GNAT3: variants seen among roughly 807,000 people sequenced by gnomAD.
GNAT3 encodes the protein G protein subunit alpha transducin 3.
GNAT3 carries 31 observed loss-of-function variants against 37.7 expected under a neutral mutation model. The observed-to-expected ratio is 0.82, with a 90% CI of 0.62 to 1.11. GNAT3 has a LOEUF of 1.11. Among genes scored for constraint, GNAT3 ranks in the 50% most tolerant of loss-of-function variants. GNAT3 has a pLI of 0.00. For missense variants in GNAT3, 437 were observed against 412.5 expected (o/e 1.06, Z -0.51); for synonymous variants, 138 against 139.8 (o/e 0.99, Z 0.09).
chr7:80,505,614 C>A (rs1790922672), intron 1 of GNAT3, among the ~76,000 whole-genome samples: 1 of 152,184 alleles, frequency 6.6e-6, no homozygotes, highest in African/African-American at 2.4e-5. Context: ...GATCTGCCCA[C>A]CTTGGCCTCC....
intron 1 of GNAT3, among the ~76,000 whole-genome samples, chr7:80,506,236 A>G (rs1470445094): frequency 6.6e-6 from 1 of 152,228 alleles, no homozygotes; most frequent in Non-Finnish European, 1.5e-5. Flanking sequence ...GTTAAACTGT[A>G]GTTAGCAAGA....
intron 4 of GNAT3, 39 bp downstream of exon 4, chr7:80,478,802 T>C (rs759340018): frequency 1.3e-6 from 2 of 1,582,890 alleles, no homozygotes; most frequent in Admixed American, 3.5e-5. Flanking sequence ...TAATTTTAAA[T>C]GTTTTACCTC....
chr7:80,471,338 A>T (rs1790215075), intron 5 of GNAT3, among the ~76,000 whole-genome samples: 1 of 151,644 alleles, frequency 6.6e-6, no homozygotes, highest in African/African-American at 2.4e-5. Flanking sequence ...CACACCCAAG[A>T]TCAATACTTT....
At position 80,474,333 on chromosome 7, in the gene GNAT3, T is replaced by C. The variant is rs766291717; in HGVS notation, c.508A>G (p.Asn170Asp). Reference protein sequence around the residue: ...DRITASGYVPNEQDVLHSRVK... With the variant: ...DRITASGYVPDEQDVLHSRVK... The stretch of plus-strand genomic sequence containing the variant: ...CGAGAATGGAGAACATCTTGTTCAT[T>C]TGGCACATACCCAGATGCTGTTATT... The change falls in exon 5 of 8, where the codon AAT (asparagine) becomes GAT (aspartate). Residue 170 changes from asparagine to aspartate, a missense_variant. Physicochemically the swap from Asn to Asp is conservative, Grantham distance 23. Transcript: ENST00000398291. 20 of 1,566,354 alleles carry C rather than the reference T, an allele frequency of 1.3e-5. No homozygotes were observed. The East Asian group carries it at 4.6e-4, about 36-fold the overall frequency.
Position 80,458,785 on chromosome 7 carries a change from C to T in GNAT3, c.951G>A (p.Lys317=), listed in dbSNP as rs1483818862. ...FLDLNLKKED[K]EIYSHMTCAT... The stretch of plus-strand genomic sequence containing the variant: ...CACAGGTCATGTGGGAATAAATTTC[C>T]TTATCTTCTTTTTTTAAATTCAGGT... The change falls in exon 8 of 8, where the codon AAG becomes AAA. Residue 317 remains lysine, a synonymous_variant. Coordinates refer to ENST00000398291, the MANE Select transcript of GNAT3 (RefSeq NM_001102386.3). The T allele has an allele frequency of 1.9e-6, 3 of 1,595,938 alleles. No individual in the cohort carries two copies. The highest frequency in any genetic ancestry group is 2.6e-6 in the Non-Finnish European group (3 of 1,170,970).
intron 4 of GNAT3, 50 bp from the exon 5 acceptor site, chr7:80,474,429 A>G: frequency 1.1e-5 from 9 of 800,796 alleles, no homozygotes; most frequent in Non-Finnish European, 1.8e-5. Flanking sequence ...ATACATAAAT[A>G]CATACATATA....
intron 3 of GNAT3, among the ~76,000 whole-genome samples, chr7:80,479,661 A>G (rs1419817446): frequency 3.4e-5 from 5 of 149,064 alleles, no homozygotes; most frequent in Non-Finnish European, 7.4e-5. Context: ...CAGTGGGCAG[A>G]GATTGCACCA....
intron 5 of GNAT3, among the ~76,000 whole-genome samples, chr7:80,471,081 C>A (rs1316624251): frequency 6.7e-6 from 1 of 150,326 alleles, no homozygotes; most frequent in Non-Finnish European, 1.5e-5. Flanking sequence ...CCTAGCCTCC[C>A]AGCCTACATC....
At chr7:80,504,416 C>T (rs867632422) in intron 1 of GNAT3, among the ~76,000 whole-genome samples, 17 of 152,148 alleles carry the variant, frequency 1.1e-4, no homozygotes, top group Admixed American at 8.5e-4. Context: ...ATATATACAA[C>T]TTACATTGCA....
At chr7:80,501,774 G>A (rs1038865436) in intron 1 of GNAT3, among the ~76,000 whole-genome samples, 1 of 151,776 alleles carries the variant, frequency 6.6e-6, no homozygotes, top group Non-Finnish European at 1.5e-5. Flanking sequence ...TATTTTAGAT[G>A]AATATTGTAT....
chr7:80,462,227 T>C lies in GNAT3; in HGVS notation c.806A>G (p.Asn269Ser), dbSNP rs186804021. The change falls in exon 7 of 8, where the codon AAC becomes AGC. Residue 269 changes from asparagine to serine, a missense_variant. Asn to Ser is a conservative substitution (Grantham distance 46). Transcript: ENST00000398291. The stretch of plus-strand genomic sequence containing the variant: ...CTTTTCTTGAAAGATATCTTTTTTG[T>C]TGAGGAACAGGACAATGGAGGTTGT... ...FSTTSIVLFL[N>S]KKDIFQEKVT... 5.0e-6 allele frequency: 8 copies of C among 1,610,302 alleles called. No individual in the cohort carries two copies. In the Admixed American group the frequency reaches 1.2e-4, roughly 24 times the overall value.
At chr7:80,479,887 G>A (rs905696560) in intron 3 of GNAT3, among the ~76,000 whole-genome samples, 2 of 151,916 alleles carry the variant, frequency 1.3e-5, no homozygotes, top group African/African-American at 4.8e-5. Flanking sequence ...ATCCCTGTAG[G>A]CATTGTTGAT....
chr7:80,477,222 T>C (rs1790319338), intron 4 of GNAT3, among the ~76,000 whole-genome samples: 1 of 152,168 alleles, frequency 6.6e-6, no homozygotes, highest in Non-Finnish European at 1.5e-5. Context: ...AGACTAAATA[T>C]ATTAATGAGA....
chr7:80,500,393 C>G (rs1790811803), intron 1 of GNAT3, among the ~76,000 whole-genome samples: 1 of 152,106 alleles, frequency 6.6e-6, no homozygotes, highest in Non-Finnish European at 1.5e-5. Flanking sequence ...TTGCGGCAAG[C>G]ATTTCTGCTA....
chr7:80,474,281 G>C lies in GNAT3; in HGVS notation c.560C>G (p.Thr187Ser). The C allele has an allele frequency of 6.2e-7, 1 of 1,600,796 alleles. No homozygotes were observed. The highest frequency in any genetic ancestry group is 8.5e-7 in the Non-Finnish European group (1 of 1,172,644). Residue 187 changes from threonine (T) to serine (S), a missense_variant, in exon 5 of 8, where the codon ACT becomes AGT. Thr to Ser is a moderately conservative substitution (Grantham distance 58). Coordinates refer to ENST00000398291, the MANE Select transcript of GNAT3 (RefSeq NM_001102386.3). The stretch of plus-strand genomic sequence containing the variant: ...GTGCAAGTCTTTAAAGGAGAATTGA[G>C]TTTCAATGATTCCAGTCGTTTTCAC... ...SRVKTTGIIE[T>S]QFSFKDLHFR...
intron 3 of GNAT3, among the ~76,000 whole-genome samples, chr7:80,479,673 T>A (rs528021541): frequency 7.8e-6 from 1 of 127,756 alleles, no homozygotes; most frequent in South Asian, 2.4e-4. Flanking sequence ...ATTGCACCAC[T>A]ACATTTCAGC....
intron 6 of GNAT3, 54 bp from the exon 7 acceptor site, chr7:80,462,366 T>C (rs1241057577): frequency 3.2e-6 from 5 of 1,572,326 alleles, no homozygotes; most frequent in Admixed American, 1.7e-5. Flanking sequence ...AAAATGTGAA[T>C]GTTGAGCATC....
At chr7:80,488,273 ATTTG>A (rs1790526742) in intron 3 of GNAT3, among the ~76,000 whole-genome samples, 1 of 152,080 alleles carries the variant, frequency 6.6e-6, no homozygotes, top group Admixed American at 6.6e-5. Flanking sequence ...CAATATTTTT[ATTTG>A]TTATGGTGTA....
In GNAT3 at chr7:80,460,822, A is replaced by G. The variant is rs535863225; in HGVS notation, c.874+1337T>C. 6.6e-5 allele frequency among the ~76,000 whole-genome samples: 10 copies of G among 152,198 alleles called. No homozygotes were observed. The South Asian group carries it at 1.5e-3, about 22-fold the overall frequency. On this transcript the variant is annotated intron_variant, in intron 7 of 7. Transcript: ENST00000398291. ...ATCAATTCATCAATATAATTCATCA[A>G]TTGTAACATATGTACCACACCAAAG...
Sources: gnomAD v4.1 joint callset for allele counts (sites outside exome capture counted in the v4.1 genomes callset) on GRCh38, gnomAD v4.1.1 for gene constraint, MANE v1.5 for transcripts, NCBI Gene and HGNC (gene_info 2026-07-23, HGNC 2026-07-21) for gene names.